Variants in FSTL5 observed in about 807,000 individuals in gnomAD.
FSTL5 encodes follistatin like 5.
In FSTL5, 62 loss-of-function variants were observed where a neutral mutation model predicts 89.1. The ratio of observed to expected loss-of-function variants is 0.70; its 90% CI spans 0.57 to 0.86. The LOEUF (loss-of-function observed/expected upper bound fraction) is 0.86. Ranked by LOEUF, FSTL5 falls within the 40% of genes least tolerant of loss-of-function variation. FSTL5 has a pLI of 0.00. For synonymous variants in FSTL5, 383 were observed against 346.2 expected (o/e 1.11, Z -1.18); for missense variants, 1,057 against 1,001.6 (o/e 1.06, Z -0.75).
At chr4:162,040,935 A>C (rs770803786) in intron 2 of FSTL5, among the ~76,000 whole-genome samples, 1 of 152,062 alleles carries the variant, frequency 6.6e-6, no homozygotes, top group Non-Finnish European at 1.5e-5. Context: ...TGCAGTCTCA[A>C]CTGACATATC....
At chr4:161,911,433 G>A (rs984883427) in intron 4 of FSTL5, among the ~76,000 whole-genome samples, 1 of 152,020 alleles carries the variant, frequency 6.6e-6, no homozygotes, top group African/African-American at 2.4e-5. Context: ...AATTATTTGT[G>A]TGCTCTTTAG....
intron 4 of FSTL5, among the ~76,000 whole-genome samples, chr4:161,920,123 G>A (rs1045737944): frequency 4.6e-5 from 7 of 152,122 alleles, no homozygotes; most frequent in African/African-American, 1.7e-4. Context: ...GCCACCCTGT[G>A]TCCCTAAGAA....
At chr4:161,597,101 T>C (rs1185461982) in intron 7 of FSTL5, among the ~76,000 whole-genome samples, 1 of 152,158 alleles carries the variant, frequency 6.6e-6, no homozygotes, top group Non-Finnish European at 1.5e-5. Context: ...ATGAAGTCCT[T>C]GCCCATGCCT....
chr4:161,698,009 T>G (rs146896801), intron 6 of FSTL5, among the ~76,000 whole-genome samples: 116 of 151,972 alleles, frequency 7.6e-4, no homozygotes, highest in African/African-American at 2.7e-3. Flanking sequence ...AATTCATAGG[T>G]TGAAATCCTA....
chr4:161,535,904 C>A (rs1731594069), intron 10 of FSTL5, among the ~76,000 whole-genome samples: 1 of 151,876 alleles, frequency 6.6e-6, no homozygotes, highest in Admixed American at 6.6e-5. Context: ...TACTACTCAG[C>A]CATAAAGAAG....
At chr4:161,519,184 T>C (rs886289132) in intron 10 of FSTL5, among the ~76,000 whole-genome samples, 13 of 152,232 alleles carry the variant, frequency 8.5e-5, no homozygotes, top group African/African-American at 2.2e-4. Flanking sequence ...TGGGAAGAGA[T>C]TGCAAGGGTG....
At chr4:161,776,481 G>A (rs1023886023) in intron 4 of FSTL5, among the ~76,000 whole-genome samples, 4 of 143,396 alleles carry the variant, frequency 2.8e-5, no homozygotes, top group Non-Finnish European at 6.0e-5. Context: ...AATTGCTGAA[G>A]GCAAAGGATT....
In FSTL5 at chr4:161,857,185, G is replaced by C. The variant is rs376307337; in HGVS notation, c.409+63219C>G. Among the ~76,000 whole-genome samples the C allele has an allele frequency of 1.2e-3, 184 of 152,240 alleles. No homozygotes were observed. The South Asian group carries it at 0.022, about 19-fold the overall frequency. On this transcript the variant is annotated intron_variant, in intron 4 of 15. Coordinates refer to ENST00000306100, the MANE Select transcript of FSTL5 (RefSeq NM_020116.5). ...GTCAAAAGACACTGCTACAGTAAAG[G>C]TGAGAGGTGGAAGTTACTTGGACTA...
intron 8 of FSTL5, among the ~76,000 whole-genome samples, chr4:161,558,261 C>A (rs932394062): frequency 6.6e-6 from 1 of 151,770 alleles, no homozygotes; most frequent in Non-Finnish European, 1.5e-5. Context: ...TAGGAGAGAG[C>A]TCAGTGTGGC....
chr4:161,396,861 G>T (rs1182514832), intron 15 of FSTL5, among the ~76,000 whole-genome samples: 1 of 151,944 alleles, frequency 6.6e-6, no homozygotes, highest in Non-Finnish European at 1.5e-5. Flanking sequence ...ATTAAAGTGT[G>T]GAATAGAAAT....
intron 10 of FSTL5, among the ~76,000 whole-genome samples, chr4:161,515,588 T>C (rs542955740): frequency 6.6e-6 from 1 of 150,400 alleles, no homozygotes; most frequent in South Asian, 2.1e-4. Context: ...ATATATAATA[T>C]ATAAATATAA....
At chr4:161,633,300 A>ATTATTC (rs1267858103) in intron 7 of FSTL5, among the ~76,000 whole-genome samples, 1 of 136,710 alleles carries the variant, frequency 7.3e-6, no homozygotes, top group Non-Finnish European at 1.5e-5. Flanking sequence ...TTTTATTATT[A>ATTATTC]TTATTATTAT....
chr4:161,792,915 T>C (rs1216217275), intron 4 of FSTL5, among the ~76,000 whole-genome samples: 2 of 152,200 alleles, frequency 1.3e-5, no homozygotes, highest in Non-Finnish European at 2.9e-5. Flanking sequence ...ACTTGCCACG[T>C]TGCTGGTGAC....
rs190014927 is a variant in FSTL5 at position 161,398,345 on chromosome 4, T to C, written c.1842-11896A>G. ...TGTAAAAATGATAGTGTATTAGTAC[T>C]GACACAGAGATGTCTCCAAAATTAT... On this transcript the variant is annotated intron_variant, in intron 15 of 15. Coordinates refer to ENST00000306100, the MANE Select transcript of FSTL5 (RefSeq NM_020116.5). Among the ~76,000 whole-genome samples the C allele has an allele frequency of 1.5e-3, 224 of 152,182 alleles. 1 individual carries two copies. The highest frequency in any genetic ancestry group is 7.2e-4 in the Non-Finnish European group (49 of 67,922).
intron 6 of FSTL5, among the ~76,000 whole-genome samples, chr4:161,726,544 T>C (rs1739425059): frequency 6.6e-6 from 1 of 151,986 alleles, no homozygotes; most frequent in African/African-American, 2.4e-5. Flanking sequence ...CAACTCTCAA[T>C]ACCGTAAACC....
intron 6 of FSTL5, among the ~76,000 whole-genome samples, chr4:161,673,006 A>C (rs1201115496): frequency 1.3e-5 from 2 of 152,066 alleles, no homozygotes; most frequent in Non-Finnish European, 1.5e-5. Context: ...GATTTCCATG[A>C]AATTAAATGC....
intron 2 of FSTL5, among the ~76,000 whole-genome samples, chr4:162,053,847 C>T (rs1738457733): frequency 6.6e-6 from 1 of 151,414 alleles, no homozygotes; most frequent in South Asian, 2.1e-4. Context: ...TTCAAAAATA[C>T]CTAAGATGTA....
At chr4:161,527,116 A>G (rs1289004048) in intron 10 of FSTL5, among the ~76,000 whole-genome samples, 8 of 152,076 alleles carry the variant, frequency 5.3e-5, no homozygotes, top group Admixed American at 5.2e-4. Context: ...CTTTTATTTC[A>G]TTGAGCAGTG....
chr4:161,610,234 A>G (rs1321885741), intron 7 of FSTL5, among the ~76,000 whole-genome samples: 1 of 152,146 alleles, frequency 6.6e-6, no homozygotes, highest in East Asian at 1.9e-4. Context: ...ATATTTCTAC[A>G]ATCAATCATG....
Sources: gnomAD v4.1 joint callset for allele counts (sites outside exome capture counted in the v4.1 genomes callset) on GRCh38, gnomAD v4.1.1 for gene constraint, MANE v1.5 for transcripts, NCBI Gene and HGNC (gene_info 2026-07-23, HGNC 2026-07-21) for gene names.